GLRA1: variants seen among roughly 807,000 people sequenced by gnomAD.
GLRA1 encodes glycine receptor alpha 1.
A neutral mutation model predicts 48.3 loss-of-function variants in GLRA1; 37 were observed. The observed-to-expected ratio is 0.77, with a 90% CI of 0.59 to 1.01. The LOEUF (loss-of-function observed/expected upper bound fraction) is 1.01. GLRA1 is among the 50% of genes least tolerant of loss of function. GLRA1 has a pLI of 0.00. For synonymous variants in GLRA1, 196 were observed against 210.7 expected (o/e 0.93, Z 0.60); for missense variants, 427 against 571.0 (o/e 0.75, Z 2.57).
At chr5:151,863,829 A>G (rs745800684) in intron 3 of GLRA1, among the ~76,000 whole-genome samples, 93 of 152,122 alleles carry the variant, frequency 6.1e-4, no homozygotes, top group Non-Finnish European at 2.5e-4. Context: ...AATTCCTCCT[A>G]CAGCTCATGC....
intron 7 of GLRA1, among the ~76,000 whole-genome samples, chr5:151,847,155 G>C (rs1043751454): frequency 3.9e-5 from 6 of 152,222 alleles, no homozygotes; most frequent in African/African-American, 1.4e-4. Flanking sequence ...ATTGGAAATG[G>C]TGCAAAACAT....
chr5:151,835,931 T>G (rs1199609609), intron 7 of GLRA1, among the ~76,000 whole-genome samples: 1 of 152,168 alleles, frequency 6.6e-6, no homozygotes, highest in African/African-American at 2.4e-5. Flanking sequence ...ACCACTCCTA[T>G]TCAACATAGT....
At chr5:151,915,716 CAT>C (rs34164681) in intron 1 of GLRA1, among the ~76,000 whole-genome samples, 19,276 of 146,052 alleles carry the variant, frequency 0.13, 1,276 homozygotes, top group Middle Eastern at 0.22. Context: ...ATATGTAATA[CAT>C]ATATATATAT....
intron 7 of GLRA1, 89 bp downstream of exon 7, chr5:151,851,301 C>T: frequency 1.2e-6 from 1 of 859,334 alleles, no homozygotes. Flanking sequence ...TGAATAATTC[C>T]TTTGCTCCCC....
chr5:151,830,540 G>C (rs1296379410), intron 7 of GLRA1, among the ~76,000 whole-genome samples: 1 of 152,162 alleles, frequency 6.6e-6, no homozygotes, highest in Non-Finnish European at 1.5e-5. Context: ...GGCTAACCTT[G>C]ATAGTCTGAG....
At position 151,822,695 on chromosome 5, in the gene GLRA1, C is replaced by G; in HGVS notation, c.1328G>C (p.Arg443Thr). 2 of 1,613,514 alleles carry G rather than the reference C, an allele frequency of 1.2e-6. No individual in the cohort carries two copies. Among genetic ancestry groups the G allele is most frequent in the Non-Finnish European group, 1.7e-6 (2 of 1,179,504 alleles). ...FYWIIYKIVR[R>T]EDVHNQ is the part of the protein sequence containing the mutation. ...CCTTCACTGGTTGTGGACGTCCTCT[C>G]TACGGACAATCTTGTAGATGATCCA... Residue 443 changes from arginine to threonine, a missense_variant, in exon 9 of 9, where the codon AGA (arginine) becomes ACA (threonine). Physicochemically the swap from Arg to Thr is moderately conservative, Grantham distance 71. This residue lies in a region of GLRA1 where 121 missense variants were observed against 96.5 expected (regional missense o/e 1.25). Transcript: ENST00000274576.
chr5:151,872,144 T>C (rs1325494392), intron 3 of GLRA1, among the ~76,000 whole-genome samples: 1 of 149,686 alleles, frequency 6.7e-6, no homozygotes, highest in Admixed American at 6.6e-5. Context: ...ACAGTGACTG[T>C]TTAAGAAATG....
At position 151,849,783 on chromosome 5, in the gene GLRA1, A is replaced by G. The variant is rs1224101668; in HGVS notation, c.912+1607T>C. 4 of 755,058 alleles carry G rather than the reference A, an allele frequency of 5.3e-6. No homozygotes were observed. The South Asian group carries it at 9.0e-5, about 17-fold the overall frequency. The allele number at this position is 755,058 out of a possible 1,614,324, so 46.8% of individuals were successfully genotyped here. ...TGGCCAGGCTGGTCTCCAACTCCTG[A>G]CCTCAGGTGATCCAACTGCCTTGGC... On this transcript the variant is annotated intron_variant, in intron 7 of 8. Coordinates refer to ENST00000274576, the MANE Select transcript of GLRA1 (RefSeq NM_000171.4).
intron 7 of GLRA1, chr5:151,848,878 T>G (rs1394774538): frequency 1.6e-6 from 1 of 637,750 alleles, no homozygotes; most frequent in Non-Finnish European, 3.0e-6. Flanking sequence ...CCAGAACACC[T>G]TCCACCATGA....
intron 1 of GLRA1, among the ~76,000 whole-genome samples, chr5:151,896,841 T>C (rs544838730): frequency 1.3e-3 from 192 of 152,294 alleles, no homozygotes; most frequent in African/African-American, 4.1e-3. Context: ...AGAACCATAA[T>C]AGCAAATACA....
chr5:151,856,264 C>A lies in GLRA1; in HGVS notation c.559+37G>T, dbSNP rs765253618. The A allele has an allele frequency of 1.6e-5, 23 of 1,410,886 alleles. No individual in the cohort carries two copies. In the South Asian group the frequency reaches 2.6e-4, roughly 16 times the overall value. 87.4% of individuals were successfully genotyped at this position (1,410,886 alleles called of 1,614,324 possible). A position where few individuals can be genotyped will look rare whatever the true frequency, so the allele number is the denominator to read the frequency against. ...TGCCTATCCCATGGGTAAAAAGGAG[C>A]CTGGTTCTTTCTAGAGGACTCATGC... On this transcript the variant is annotated intron_variant, in intron 5 of 8. Coordinates refer to ENST00000274576, the MANE Select transcript of GLRA1 (RefSeq NM_000171.4).
intron 7 of GLRA1, chr5:151,850,531 C>T (rs144922743): frequency 6.7e-5 from 71 of 1,064,108 alleles, no homozygotes; most frequent in African/African-American, 2.6e-4. Flanking sequence ...ACCACATCCA[C>T]GCTTATGATC....
chr5:151,902,324 A>G (rs1754385303), intron 1 of GLRA1, among the ~76,000 whole-genome samples: 2 of 151,834 alleles, frequency 1.3e-5, no homozygotes, highest in African/African-American at 4.8e-5. Context: ...GATCTGGGTT[A>G]TCTTCTGCTT....
At chr5:151,912,285 T>C (rs1754637491) in intron 1 of GLRA1, among the ~76,000 whole-genome samples, 1 of 136,798 alleles carries the variant, frequency 7.3e-6, no homozygotes. Context: ...TTTTTTCTAC[T>C]AGATGTTTTA....
intron 1 of GLRA1, among the ~76,000 whole-genome samples, chr5:151,918,656 G>A (rs774087972): frequency 3.5e-4 from 53 of 152,144 alleles, no homozygotes; most frequent in Non-Finnish European, 6.6e-4. Flanking sequence ...ATAGAATTGC[G>A]AGGGATTGTC....
chr5:151,895,375 G>A (rs888419717), intron 1 of GLRA1, among the ~76,000 whole-genome samples: 1 of 152,142 alleles, frequency 6.6e-6, no homozygotes, highest in Non-Finnish European at 1.5e-5. Context: ...GAAATGTACT[G>A]TGAAATATAA....
chr5:151,857,512 G>T (rs924778479), intron 4 of GLRA1, among the ~76,000 whole-genome samples: 1 of 152,178 alleles, frequency 6.6e-6, no homozygotes, highest in Admixed American at 6.5e-5. Context: ...CCTGCAGCAG[G>T]TGTTGCAAGT....
At chr5:151,867,258 T>G (rs1753361993) in intron 3 of GLRA1, among the ~76,000 whole-genome samples, 1 of 152,202 alleles carries the variant, frequency 6.6e-6, no homozygotes, top group African/African-American at 2.4e-5. Flanking sequence ...TGTTCCATCC[T>G]CCAGAAGTTA....
At chr5:151,857,858 G>C (rs1753088996) in intron 4 of GLRA1, among the ~76,000 whole-genome samples, 1 of 152,208 alleles carries the variant, frequency 6.6e-6, no homozygotes, top group Admixed American at 6.5e-5. Context: ...AGCCCAAAGA[G>C]CCTTAGATCA....
Sources: gnomAD v4.1 joint callset for allele counts (sites outside exome capture counted in the v4.1 genomes callset) on GRCh38, gnomAD v4.1.1 for gene constraint, gnomAD v4.1.1 regional missense constraint, MANE v1.5 for transcripts, NCBI Gene and HGNC (gene_info 2026-07-23, HGNC 2026-07-21) for gene names.